IGSF10: variants seen among roughly 807,000 people sequenced by gnomAD.
IGSF10 encodes the protein immunoglobulin superfamily member 10.
Under a neutral mutation model 128.2 loss-of-function variants are expected in IGSF10, and 126 were observed. The ratio of observed to expected loss-of-function variants is 0.98; its 90% confidence interval spans 0.85 to 1.14. IGSF10 has a LOEUF of 1.14. IGSF10 is among the 50% of genes most tolerant of loss of function. IGSF10 has a pLI of 0.00. For missense variants in IGSF10, 3,295 were observed against 3,149.8 expected (o/e 1.05, Z -1.10); for synonymous variants, 1,185 against 1,146.2 (o/e 1.03, Z -0.68).
intron 4 of IGSF10, among the ~76,000 whole-genome samples, chr3:151,456,602 T>C (rs1421645388): frequency 6.6e-6 from 1 of 152,196 alleles, no homozygotes; most frequent in Non-Finnish European, 1.5e-5. Flanking sequence ...CTCTTAACTT[T>C]AAAAAATTGA....
chr3:151,596,310 A>G, the IGSF10 span, among the ~76,000 whole-genome samples: 1 of 152,202 alleles, frequency 6.6e-6, no homozygotes, highest in Non-Finnish European at 1.5e-5. Context: ...GATGCTTCCT[A>G]TAAAGTTTGT....
chr3:151,575,319 T>C, the IGSF10 span, among the ~76,000 whole-genome samples: 1 of 152,298 alleles, frequency 6.6e-6, no homozygotes, highest in Non-Finnish European at 1.5e-5. Context: ...AGCTATGCCC[T>C]GCCCCTAGAA....
chr3:151,577,103 C>CT, the IGSF10 span, among the ~76,000 whole-genome samples: 2 of 152,182 alleles, frequency 1.3e-5, no homozygotes, highest in Admixed American at 1.3e-4. Context: ...TATATTTATT[C>CT]TGTCCATATA....
At chr3:151,504,621 A>G in the IGSF10 span, among the ~76,000 whole-genome samples, 1 of 152,328 alleles carries the variant, frequency 6.6e-6, no homozygotes, top group Admixed American at 6.5e-5. Context: ...ATCTATATAT[A>G]AATAATGTTA....
chr3:151,576,607 G>A, the IGSF10 span, among the ~76,000 whole-genome samples: 1 of 152,130 alleles, frequency 6.6e-6, no homozygotes, highest in South Asian at 2.1e-4. Context: ...AAAACGATGT[G>A]GTAAAGAAGC....
At chr3:151,463,300 T>A (rs1315999139), upstream of IGSF10, among the ~76,000 whole-genome samples, 2 of 152,160 alleles carry the variant, frequency 1.3e-5, no homozygotes, top group Non-Finnish European at 2.9e-5. Flanking sequence ...ATAACAATTC[T>A]AATATTTGTA....
chr3:151,578,723 A>G, the IGSF10 span, among the ~76,000 whole-genome samples: 10 of 152,268 alleles, frequency 6.6e-5, no homozygotes, highest in African/African-American at 2.2e-4. Context: ...GACAACAAAT[A>G]CTGTCTCAGA....
At chr3:151,450,420 A>G (rs1037359853) in intron 5 of IGSF10, among the ~76,000 whole-genome samples, 6 of 152,176 alleles carry the variant, frequency 3.9e-5, no homozygotes, top group African/African-American at 1.4e-4. Flanking sequence ...ATGTGTGCAC[A>G]TGTCCTCTCA....
At chr3:151,435,669 A>G (rs773266052), downstream of IGSF10, 7 of 152,182 alleles carry the variant, frequency 4.6e-5, no homozygotes, top group Admixed American at 2.0e-4. Flanking sequence ...TGGAGAAATT[A>G]CACTGGAAAA....
chr3:151,560,064 C>T, the IGSF10 span, among the ~76,000 whole-genome samples: 1 of 152,088 alleles, frequency 6.6e-6, no homozygotes, highest in African/African-American at 2.4e-5. Context: ...CAACATATGA[C>T]TGCAGAAGAC....
chr3:151,522,051 T>G, the IGSF10 span, among the ~76,000 whole-genome samples: 1 of 151,820 alleles, frequency 6.6e-6, no homozygotes, highest in Non-Finnish European at 1.5e-5. Flanking sequence ...AAGATAAACA[T>G]CAGAAACTTC....
In IGSF10 at chr3:151,446,560, C is replaced by T; in HGVS notation, c.3421G>A (p.Ala1141Thr). The change falls in exon 6 of 8, where the codon GCA becomes ACA. Residue 1141 changes from alanine to threonine, a missense_variant. Ala to Thr is a moderately conservative substitution (Grantham distance 58). Transcript: ENST00000282466. ...TEISQVTPTG[A>T]VMTYAPTSIP... The stretch of plus-strand genomic sequence containing the variant: ...GATGTTGGAGCATATGTCATGACTG[C>T]ACCAGTTGGAGTCACTTGGGAAATT... The T allele has an allele frequency of 6.2e-7, 1 of 1,614,024 alleles. No individual in the cohort carries two copies. The highest frequency in any genetic ancestry group is 8.5e-7 in the Non-Finnish European group (1 of 1,179,912).
the IGSF10 span, among the ~76,000 whole-genome samples, chr3:151,502,691 C>G: frequency 6.6e-6 from 1 of 151,948 alleles, no homozygotes; most frequent in African/African-American, 2.4e-5. Flanking sequence ...TGAAGTAAGA[C>G]TTCTAGCTTC....
the IGSF10 span, among the ~76,000 whole-genome samples, chr3:151,493,057 G>C: frequency 2.6e-5 from 4 of 152,076 alleles, no homozygotes; most frequent in African/African-American, 9.7e-5. Context: ...TAAGTAAAAT[G>C]ACCCAGGAAC....
chr3:151,486,287 G>T, the IGSF10 span, among the ~76,000 whole-genome samples: 1 of 152,126 alleles, frequency 6.6e-6, no homozygotes, highest in Non-Finnish European at 1.5e-5. Flanking sequence ...ACATATATAT[G>T]CACCCAATAC....
chr3:151,469,971 T>C, the IGSF10 span, among the ~76,000 whole-genome samples: 1 of 152,216 alleles, frequency 6.6e-6, no homozygotes, highest in African/African-American at 2.4e-5. Flanking sequence ...ATTCCAAGTG[T>C]TCACAATAAT....
the IGSF10 span, among the ~76,000 whole-genome samples, chr3:151,472,579 A>C: frequency 6.6e-6 from 1 of 152,140 alleles, no homozygotes; most frequent in Non-Finnish European, 1.5e-5. Flanking sequence ...TGCCTTGGCC[A>C]AAGGTACTAC....
the IGSF10 span, among the ~76,000 whole-genome samples, chr3:151,561,331 A>C: frequency 6.6e-6 from 1 of 152,306 alleles, no homozygotes; most frequent in African/African-American, 2.4e-5. Context: ...TAGTTCTCTA[A>C]ATGAGAACTT....
At chr3:151,508,716 T>A in the IGSF10 span, among the ~76,000 whole-genome samples, 1 of 152,312 alleles carries the variant, frequency 6.6e-6, no homozygotes, top group East Asian at 1.9e-4. Flanking sequence ...AACTTTGGGA[T>A]GCTTCAGAGG....
Sources: gnomAD v4.1 joint callset for allele counts (sites outside exome capture counted in the v4.1 genomes callset) on GRCh38, gnomAD v4.1.1 for gene constraint, MANE v1.5 for transcripts, NCBI Gene and HGNC (gene_info 2026-07-23, HGNC 2026-07-21) for gene names.